The following LAMA3 variants were observed in gnomAD, a reference collection of about 807,000 sequenced individuals.
LAMA3 encodes the protein laminin subunit alpha 3, also known as laminin subunit alpha-3.
In LAMA3, 281 loss-of-function variants were observed where a neutral mutation model predicts 402.0. The observed-to-expected ratio is 0.70, with a 90% CI of 0.63 to 0.77. LAMA3 has a LOEUF of 0.77. LAMA3 is among the 30% of genes least tolerant of loss of function. The probability of loss-of-function intolerance (pLI) is 0.00; values close to 1 mark genes in which losing one functional copy is unlikely to be tolerated. For synonymous variants in LAMA3, 1,431 were observed against 1,558.4 expected (o/e 0.92, Z 1.93); for missense variants, 3,840 against 4,215.5 (o/e 0.91, Z 2.47).
At chr18:23,754,336 T>C (rs1190047647) in intron 6 of LAMA3, among the ~76,000 whole-genome samples, 1 of 152,230 alleles carries the variant, frequency 6.6e-6, no homozygotes, top group Non-Finnish European at 1.5e-5. Context: ...CCTTGTTTCC[T>C]CCTACCACTG....
chr18:23,810,617 C>T (rs1888909790), intron 13 of LAMA3, 114 bp downstream of exon 13: 2 of 1,153,320 alleles, frequency 1.7e-6, no homozygotes, highest in Admixed American at 1.8e-5. Flanking sequence ...ACCCCCACAT[C>T]CTGCTTTCAC....
chr18:23,813,043 T>G lies in LAMA3; in HGVS notation c.1742-14T>G. On this transcript the variant is annotated splice_polypyrimidine_tract_variant and intron_variant, in intron 13 of 74. Coordinates refer to ENST00000313654, the MANE Select transcript of LAMA3 (RefSeq NM_198129.4). ...AACTACCAGATAATTTAAAAATTTCTGAATCATATTCAGGTTCCAGCAGTG... is the reference window on the plus strand; with the variant it reads ...AACTACCAGATAATTTAAAAATTTCGGAATCATATTCAGGTTCCAGCAGTG... 1 of 1,588,462 alleles carries G rather than the reference T, an allele frequency of 6.3e-7. No individual in the cohort carries two copies. The highest frequency in any genetic ancestry group is 8.6e-7 in the Non-Finnish European group (1 of 1,157,004).
At chr18:23,922,618 T>C (rs904837269) in intron 62 of LAMA3, among the ~76,000 whole-genome samples, 7 of 152,342 alleles carry the variant, frequency 4.6e-5, no homozygotes, top group Non-Finnish European at 8.8e-5. Flanking sequence ...ATGTAGCCCC[T>C]GAGTTTTACA....
rs1297825830 is a variant in LAMA3, at chr18:23,775,862, T to C, written c.1344T>C (p.Asn448=). The change falls in exon 10 of 75, where the codon AAT becomes AAC. Residue 448 remains asparagine (N), a synonymous_variant. Transcript: ENST00000313654. ...QGSGRCHCKP[N]FHGDNCEKCA... ...CAGGCCGCTGTCACTGCAAGCCAAA[T>C]TTCCACGGAGACAACTGTGAGAAGT... The C allele has an allele frequency of 6.2e-7, 1 of 1,613,958 alleles. No homozygotes were observed.
At chr18:23,910,533 G>C (rs939724807) in intron 55 of LAMA3, among the ~76,000 whole-genome samples, 1 of 152,210 alleles carries the variant, frequency 6.6e-6, no homozygotes, top group Non-Finnish European at 1.5e-5. Flanking sequence ...CTGCTCTCCA[G>C]CCACTGCAGG....
At chr18:23,747,304 G>A (rs1405883308) in intron 2 of LAMA3, among the ~76,000 whole-genome samples, 3 of 152,166 alleles carry the variant, frequency 2.0e-5, no homozygotes, top group African/African-American at 7.2e-5. Flanking sequence ...AGAGTGGGAG[G>A]TGAAGAAAGA....
At chr18:23,899,525 A>G (rs1055937798) in intron 47 of LAMA3, 70 bp downstream of exon 47, 56 of 1,467,634 alleles carry the variant, frequency 3.8e-5, no homozygotes, top group Middle Eastern at 3.5e-4. Flanking sequence ...GCAGAGTGCA[A>G]TGTAGAGTTC....
At chr18:23,877,045 A>AAAC (rs764737786) in intron 39 of LAMA3, among the ~76,000 whole-genome samples, 41 of 152,150 alleles carry the variant, frequency 2.7e-4, no homozygotes, top group South Asian at 2.1e-3. Context: ...CCCACACCAT[A>AAAC]AACAACAACA....
At chr18:23,715,917 G>A (rs1234582052) in intron 2 of LAMA3, among the ~76,000 whole-genome samples, 1 of 152,080 alleles carries the variant, frequency 6.6e-6, no homozygotes, top group Non-Finnish European at 1.5e-5. Context: ...CATTTCGATT[G>A]GGCAGTTTTG....
chr18:23,708,646 A>G (rs1313405902), intron 1 of LAMA3, among the ~76,000 whole-genome samples: 1 of 152,154 alleles, frequency 6.6e-6, no homozygotes, highest in Non-Finnish European at 1.5e-5. Context: ...CAGAGATGCA[A>G]TGACTTTTTT....
At position 23,784,032 on chromosome 18, in the gene LAMA3, G is replaced by A; in HGVS notation, c.1478G>A (p.Cys493Tyr). 1 of 1,614,124 alleles carries A rather than the reference G, an allele frequency of 6.2e-7. No homozygotes were observed. Among genetic ancestry groups the A allele is most frequent in the Non-Finnish European group, 8.5e-7 (1 of 1,180,008 alleles). ...TTCCTGTCTTCTGCAGGGTGTGACTGTAATCTGGAAGGTGTTCTCCCTGAA... is the reference window on the plus strand; with the variant it reads ...TTCCTGTCTTCTGCAGGGTGTGACTATAATCTGGAAGGTGTTCTCCCTGAA... ...PVAGDIKGCD[C>Y]NLEGVLPEIC... The change falls in exon 12 of 75, where the codon TGT (cysteine) becomes TAT (tyrosine). Residue 493 changes from cysteine (C) to tyrosine (Y), a missense_variant. By Grantham distance (194) the Cys-to-Tyr change is radical (BLOSUM62 -2). This residue lies in a region of LAMA3 where 2,109 missense variants were observed against 2,376.0 expected (regional missense o/e 0.89). Transcript: ENST00000313654.
chr18:23,954,718 A>C lies in LAMA3; in HGVS notation c.*70A>C. 6.7e-7 allele frequency: 1 copy of C among 1,491,444 alleles called. No individual in the cohort carries two copies. The highest frequency in any genetic ancestry group is 1.4e-5 in the African/African-American group (1 of 72,372). 92.4% of individuals were successfully genotyped at this position (1,491,444 alleles called of 1,614,324 possible). ...GATTACCCAATGCACCTCCCTCCCCAGCTCGAGATCATTCTTCACTCAGGA... is the reference window on the plus strand; with the variant it reads ...GATTACCCAATGCACCTCCCTCCCCCGCTCGAGATCATTCTTCACTCAGGA... On this transcript the variant is annotated 3_prime_UTR_variant, in exon 75 of 75. Coordinates refer to ENST00000313654, the MANE Select transcript of LAMA3 (RefSeq NM_198129.4).
chr18:23,819,639 G>A (rs754077283), intron 18 of LAMA3, among the ~76,000 whole-genome samples: 16 of 152,298 alleles, frequency 1.1e-4, no homozygotes, highest in South Asian at 1.0e-3. Flanking sequence ...ATTAGTAGGC[G>A]TTGAGTGTGT....
chr18:23,768,548 A>T (rs2337182), intron 8 of LAMA3, among the ~76,000 whole-genome samples: 119,168 of 152,204 alleles, frequency 0.78, 47,187 homozygotes, highest in African/African-American at 0.9. Flanking sequence ...GCTGGTGGGG[A>T]TGTAAATTAT....
At chr18:23,828,096 A>G (rs2063421001) in intron 23 of LAMA3, among the ~76,000 whole-genome samples, 1 of 152,176 alleles carries the variant, frequency 6.6e-6, no homozygotes, top group Non-Finnish European at 1.5e-5. Flanking sequence ...AGAATACACA[A>G]CACTTCAAAA....
At chr18:23,745,173 ATGTGTGTGTG>A (rs55780622) in intron 2 of LAMA3, among the ~76,000 whole-genome samples, 2 of 148,932 alleles carry the variant, frequency 1.3e-5, no homozygotes, top group East Asian at 2.0e-4. Flanking sequence ...AGAATCAAAA[ATGTGTGTGTG>A]TGTGTGTGTG....
At position 23,905,539 on chromosome 18, in the gene LAMA3, T is replaced by A; in HGVS notation, c.6633T>A (p.Asp2211Glu). 2 of 1,604,272 alleles carry A rather than the reference T, an allele frequency of 1.2e-6. No homozygotes were observed. Among genetic ancestry groups the A allele is most frequent in the Non-Finnish European group, 1.7e-6 (2 of 1,171,582 alleles). The stretch of plus-strand genomic sequence containing the variant: ...GCTTTCAGACAGTGATAAAGGAAGA[T>A]CTGCCAAGAAAAGCTAAAACCCTGA... ...ESALQTVIKE[D>E]LPRKAKTLSS... The change falls in exon 52 of 75, where the codon GAT (aspartate) becomes GAA (glutamate). Residue 2211 changes from aspartate to glutamate, a missense_variant. Around this residue, in one of 3 missense-constraint regions of LAMA3, gnomAD observed 891 missense variants for 857.5 expected, o/e 1.04. Coordinates refer to ENST00000313654, the MANE Select transcript of LAMA3 (RefSeq NM_198129.4).
chr18:23,892,992 A>G (rs749212134), intron 42 of LAMA3, among the ~76,000 whole-genome samples: 33 of 151,234 alleles, frequency 2.2e-4, no homozygotes, highest in African/African-American at 5.3e-4. Context: ...ATAAATATTT[A>G]TAAAGGGAAC....
At chr18:23,777,375 C>T (rs1373542515) in intron 10 of LAMA3, among the ~76,000 whole-genome samples, 182 bp from the exon 11 acceptor site, 1 of 152,126 alleles carries the variant, frequency 6.6e-6, no homozygotes, top group African/African-American at 2.4e-5. Flanking sequence ...AATGTCTGGC[C>T]AGTCTGGTTT....
Sources: gnomAD v4.1 joint callset for allele counts (sites outside exome capture counted in the v4.1 genomes callset) on GRCh38, gnomAD v4.1.1 for gene constraint, gnomAD v4.1.1 regional missense constraint, MANE v1.5 for transcripts, NCBI Gene and HGNC (gene_info 2026-07-23, HGNC 2026-07-21) for gene names.